Variants in MYT1L observed in about 807,000 individuals in gnomAD.
MYT1L encodes myelin transcription factor 1 like, also known as myelin transcription factor 1-like protein.
A neutral mutation model predicts 126.7 loss-of-function variants in MYT1L; 12 were observed. The ratio of observed to expected loss-of-function variants is 0.09; its 90% CI spans 0.06 to 0.15. The LOEUF (loss-of-function observed/expected upper bound fraction) is 0.15, where lower values mean the gene tolerates loss of function less well. Among genes scored for constraint, MYT1L ranks in the 10% least tolerant of loss-of-function variants. MYT1L has a pLI of 1.00. For synonymous variants in MYT1L, 541 were observed against 604.2 expected, an observed-to-expected ratio of 0.90 and a Z score of 1.53; for missense variants, 979 against 1,585.2, an observed-to-expected ratio of 0.62 and a Z score of 6.49.
chr2:2,137,766 G>A (rs1279514782), intron 3 of MYT1L, among the ~76,000 whole-genome samples: 1 of 151,960 alleles, frequency 6.6e-6, no homozygotes, highest in African/African-American at 2.4e-5. Flanking sequence ...CTACCATTCA[G>A]AACATAGGCA....
chr2:2,023,938 C>T (rs1337464752), intron 4 of MYT1L, among the ~76,000 whole-genome samples: 3 of 152,166 alleles, frequency 2.0e-5, no homozygotes, highest in Non-Finnish European at 4.4e-5. Context: ...AATTTTAAAG[C>T]CCCTCAATTC....
At chr2:2,012,135 T>C (rs765416207) in intron 4 of MYT1L, among the ~76,000 whole-genome samples, 9 of 152,374 alleles carry the variant, frequency 5.9e-5, no homozygotes, top group African/African-American at 9.6e-5. Context: ...ATATGTTTAC[T>C]GTAACTTTAT....
chr2:1,956,610 A>G (rs2058485018), intron 8 of MYT1L, among the ~76,000 whole-genome samples: 1 of 149,280 alleles, frequency 6.7e-6, no homozygotes, highest in South Asian at 2.1e-4. Flanking sequence ...CTATCTATCT[A>G]TCTATCTATC....
In MYT1L at chr2:1,932,716, G is replaced by A. The variant is rs1188669112; in HGVS notation, c.506-9453C>T. ...CACTTGAGCAGAGATCTGAAGAGGT[G>A]GGAAAGTGAGCTATGCCAGGGAGAG... On this transcript the variant is annotated intron_variant, in intron 9 of 24. Transcript: ENST00000647738. Among the ~76,000 whole-genome samples, 3 of 152,190 alleles carry A rather than the reference G, an allele frequency of 2.0e-5. No individual in the cohort carries two copies. In the East Asian group the frequency reaches 5.8e-4, roughly 29 times the overall value.
At chr2:2,211,180 C>T (rs911070593) in intron 2 of MYT1L, among the ~76,000 whole-genome samples, 1 of 152,162 alleles carries the variant, frequency 6.6e-6, no homozygotes, top group Admixed American at 6.5e-5. Flanking sequence ...GGTATAATTG[C>T]TTATGCATGT....
chr2:2,110,163 C>A (rs1190383802), intron 3 of MYT1L, among the ~76,000 whole-genome samples: 2 of 151,642 alleles, frequency 1.3e-5, no homozygotes, highest in African/African-American at 4.8e-5. Context: ...CGTGCCATAA[C>A]CAGTCATCGT....
chr2:2,108,434 C>T (rs1212757823), intron 3 of MYT1L, among the ~76,000 whole-genome samples: 2 of 152,216 alleles, frequency 1.3e-5, no homozygotes, highest in African/African-American at 4.8e-5. Context: ...TTCATCCTAA[C>T]ACCTTGTCTG....
At chr2:2,166,476 G>T (rs1043710850) in intron 3 of MYT1L, among the ~76,000 whole-genome samples, 3 of 152,162 alleles carry the variant, frequency 2.0e-5, no homozygotes, top group Non-Finnish European at 4.4e-5. Flanking sequence ...GCAATGCATG[G>T]GTTTCAGAGT....
chr2:1,835,608 C>T lies in MYT1L; in HGVS notation c.3080+3541G>A, dbSNP rs539016949. ...AACAGAACAGAACAGAACCCAGGTC[C>T]GGTGTGCTCAGGCCTGGACTGCCCC... On this transcript the variant is annotated intron_variant, in intron 21 of 24. Coordinates refer to ENST00000647738, the MANE Select transcript of MYT1L (RefSeq NM_001303052.2). Among the ~76,000 whole-genome samples the T allele has an allele frequency of 5.9e-5, 9 of 152,284 alleles. 1 individual carries two copies. Among genetic ancestry groups the T allele is most frequent in the Admixed American group, 5.2e-4 (8 of 15,304 alleles).
At chr2:2,109,761 A>C (rs1361091434) in intron 3 of MYT1L, among the ~76,000 whole-genome samples, 1 of 150,876 alleles carries the variant, frequency 6.6e-6, no homozygotes, top group Non-Finnish European at 1.5e-5. Flanking sequence ...GATGTAAATG[A>C]AAATTGGTTT....
intron 2 of MYT1L, among the ~76,000 whole-genome samples, chr2:2,257,848 C>T (rs1250355057): frequency 6.7e-6 from 1 of 149,182 alleles, no homozygotes; most frequent in African/African-American, 2.5e-5. Context: ...ATGCCATCCC[C>T]ATCAAGCTAC....
At chr2:2,192,356 C>T (rs1274784227) in intron 2 of MYT1L, among the ~76,000 whole-genome samples, 7 of 152,078 alleles carry the variant, frequency 4.6e-5, no homozygotes, top group African/African-American at 9.7e-5. Flanking sequence ...GACTCAAATG[C>T]GCAGCTACAG....
intron 1 of MYT1L, among the ~76,000 whole-genome samples, chr2:2,313,337 G>A (rs1386623677): frequency 1.3e-5 from 2 of 152,016 alleles, no homozygotes; most frequent in Non-Finnish European, 2.9e-5. Flanking sequence ...CTCCACTACC[G>A]GTTGTCTTAA....
chr2:2,223,740 G>T (rs1471408466), intron 2 of MYT1L, among the ~76,000 whole-genome samples: 1 of 152,194 alleles, frequency 6.6e-6, no homozygotes, highest in East Asian at 1.9e-4. Flanking sequence ...TTAGCATTCA[G>T]ACAGGAAAAA....
intron 2 of MYT1L, among the ~76,000 whole-genome samples, chr2:2,195,750 A>G (rs964531706): frequency 2.0e-5 from 3 of 152,198 alleles, no homozygotes; most frequent in African/African-American, 7.2e-5. Context: ...AACTATAATA[A>G]TTGAAGTTAG....
At chr2:2,070,449 C>T (rs115952707) in intron 3 of MYT1L, among the ~76,000 whole-genome samples, 2,286 of 152,226 alleles carry the variant, frequency 0.015, 50 homozygotes, top group African/African-American at 0.052. Flanking sequence ...GACTGAGTGC[C>T]CAAAGCAATG....
intron 2 of MYT1L, among the ~76,000 whole-genome samples, chr2:2,179,948 CAGG>C (rs1340000608): frequency 6.6e-6 from 1 of 152,222 alleles, no homozygotes; most frequent in Non-Finnish European, 1.5e-5. Flanking sequence ...TTCTGGCCCT[CAGG>C]AGGAGGCTGT....
At chr2:2,046,159 C>A (rs879677104) in intron 4 of MYT1L, among the ~76,000 whole-genome samples, 1 of 152,234 alleles carries the variant, frequency 6.6e-6, no homozygotes, top group Non-Finnish European at 1.5e-5. Context: ...TCCCCCCAGG[C>A]ACCTAATTCC....
At chr2:1,871,693 C>T (rs2046307661) in intron 18 of MYT1L, among the ~76,000 whole-genome samples, 1 of 152,184 alleles carries the variant, frequency 6.6e-6, no homozygotes, top group Non-Finnish European at 1.5e-5. Flanking sequence ...CACCTCAGTC[C>T]TCAGCCTCTT....
Sources: allele counts gnomAD v4.1 joint callset (sites outside exome capture counted in the v4.1 genomes callset), GRCh38; gene constraint gnomAD v4.1.1; transcripts MANE v1.5; gene names NCBI Gene and HGNC (gene_info 2026-07-23, HGNC 2026-07-21).